The following HOMER2 variants were observed in gnomAD, a reference collection of about 807,000 sequenced individuals.
The protein encoded by HOMER2 is homer protein homolog 2.
A neutral mutation model predicts 47.0 loss-of-function variants in HOMER2; 27 were observed. That is an observed-to-expected ratio of 0.57 (90% CI 0.42 to 0.79). The LOEUF (loss-of-function observed/expected upper bound fraction) is 0.79, where lower values mean the gene tolerates loss of function less well. HOMER2 is among the 30% of genes least tolerant of loss of function. HOMER2 has a pLI of 0.00. For missense variants in HOMER2, 443 were observed against 435.0 expected, an observed-to-expected ratio of 1.02 and a Z score of -0.16; for synonymous variants, 161 against 163.8, an observed-to-expected ratio of 0.98 and a Z score of 0.13.
chr15:82,906,048 G>C (rs1049650650), intron 1 of HOMER2, among the ~76,000 whole-genome samples: 2 of 152,170 alleles, frequency 1.3e-5, no homozygotes, highest in African/African-American at 4.8e-5. Flanking sequence ...GAGGAGTTAG[G>C]ATTATTTTGT....
intron 1 of HOMER2, among the ~76,000 whole-genome samples, chr15:82,897,171 A>G (rs1044524388): frequency 1.4e-5 from 2 of 147,106 alleles, no homozygotes; most frequent in African/African-American, 2.5e-5. Flanking sequence ...GGTTTAAGCA[A>G]TTCTCTGCCT....
At chr15:82,966,251 T>A (rs1457496442) in intron 1 of HOMER2, among the ~76,000 whole-genome samples, 1 of 151,932 alleles carries the variant, frequency 6.6e-6, no homozygotes, top group Non-Finnish European at 1.5e-5. Flanking sequence ...GAGGTACAGG[T>A]GAGAGTAACA....
At chr15:82,908,285 T>C (rs1297615919) in intron 1 of HOMER2, among the ~76,000 whole-genome samples, 1 of 152,254 alleles carries the variant, frequency 6.6e-6, no homozygotes, top group Non-Finnish European at 1.5e-5. Context: ...TTGTATATTA[T>C]GTGAATTATA....
In HOMER2 at chr15:82,892,844, G is replaced by A. The variant is rs1218682369; in HGVS notation, c.6-3C>T. The A allele has an allele frequency of 1.9e-6, 3 of 1,557,820 alleles. No homozygotes were observed. The highest frequency in any genetic ancestry group is 2.3e-5 in the East Asian group (1 of 44,152). ...GGGTGGTGAAGATGGGCTGTTCTCT[G>A]CAATAAGAGAGTGGGCGTGTGAGTT... is the stretch of plus-strand genomic sequence containing the variant. On this transcript the variant is annotated splice_region_variant and splice_polypyrimidine_tract_variant and intron_variant, in intron 1 of 8. Transcript: ENST00000450735.
intron 1 of HOMER2, among the ~76,000 whole-genome samples, chr15:82,946,215 G>A (rs941093707): frequency 6.6e-6 from 1 of 152,208 alleles, no homozygotes; most frequent in East Asian, 1.9e-4. Flanking sequence ...CGCTTCAGCA[G>A]AATTACTTGG....
At chr15:82,844,506 TA>T (rs1173218669), downstream of HOMER2, 1 of 152,150 alleles carries the variant, frequency 6.6e-6, no homozygotes, top group East Asian at 1.9e-4. Flanking sequence ...GTATGTATAA[TA>T]TGATTATATT....
chr15:82,924,009 G>C (rs1014891603), intron 1 of HOMER2, among the ~76,000 whole-genome samples: 1 of 152,202 alleles, frequency 6.6e-6, no homozygotes, highest in Non-Finnish European at 1.5e-5. Context: ...AGGTGAGAGA[G>C]AGGCGTGCAG....
chr15:82,983,193 T>C (rs1295873474), intron 1 of HOMER2, among the ~76,000 whole-genome samples: 3 of 152,244 alleles, frequency 2.0e-5, no homozygotes, highest in African/African-American at 7.2e-5. Context: ...ATTTATTGAC[T>C]ACTGTACGGA....
intron 8 of HOMER2, among the ~76,000 whole-genome samples, chr15:82,850,444 A>G (rs1465810899): frequency 6.6e-6 from 1 of 152,178 alleles, no homozygotes; most frequent in Admixed American, 6.5e-5. Context: ...GTTACCATGG[A>G]GATGTTCTGT....
At chr15:82,945,978 TA>T (rs947562494) in intron 1 of HOMER2, among the ~76,000 whole-genome samples, 27 of 136,760 alleles carry the variant, frequency 2.0e-4, no homozygotes, top group Admixed American at 5.1e-4. Context: ...TCAAAAACAT[TA>T]AAAAAAAAAA....
intron 1 of HOMER2, among the ~76,000 whole-genome samples, chr15:82,979,127 G>C (rs371473636): frequency 3.3e-5 from 5 of 152,162 alleles, no homozygotes; most frequent in Non-Finnish European, 5.9e-5. Flanking sequence ...TGCCATAATT[G>C]TAAGTTTCCT....
At chr15:82,936,747 AT>A (rs547094287) in intron 1 of HOMER2, among the ~76,000 whole-genome samples, 4,401 of 142,534 alleles carry the variant, frequency 0.031, 69 homozygotes, top group African/African-American at 0.036. Flanking sequence ...TAATTTTTGT[AT>A]TTTTTTTTTT....
At chr15:82,854,875 C>A in intron 5 of HOMER2, 75 bp from the exon 6 acceptor site, 1 of 1,530,312 alleles carries the variant, frequency 6.5e-7, no homozygotes, top group Non-Finnish European at 8.9e-7. Flanking sequence ...GGGAAGGGGA[C>A]TCCGCCATCC....
intron 3 of HOMER2, among the ~76,000 whole-genome samples, chr15:82,869,550 C>T (rs1963227979): frequency 6.8e-6 from 1 of 147,338 alleles, no homozygotes; most frequent in Non-Finnish European, 1.5e-5. Flanking sequence ...CTCTGCCTCC[C>T]GCGTTCAAGT....
At chr15:82,869,796 G>T (rs1017829163) in intron 3 of HOMER2, among the ~76,000 whole-genome samples, 3 of 152,044 alleles carry the variant, frequency 2.0e-5, no homozygotes, top group Non-Finnish European at 4.4e-5. Flanking sequence ...TACCCTGAAG[G>T]ATACACTGCA....
upstream of HOMER2, among the ~76,000 whole-genome samples, chr15:82,957,089 C>T (rs1040458399): frequency 2.8e-4 from 42 of 152,226 alleles, no homozygotes; most frequent in African/African-American, 9.6e-4. Context: ...CCAGCCTGAC[C>T]AACATGGTGA....
intron 1 of HOMER2, among the ~76,000 whole-genome samples, chr15:82,935,802 G>GA (rs1812102645): frequency 6.6e-6 from 1 of 152,098 alleles, no homozygotes; most frequent in Non-Finnish European, 1.5e-5. Context: ...TGTCTCCTCT[G>GA]TGACCTTCTC....
chr15:82,852,552 C>T (rs570689749), intron 6 of HOMER2: 15 of 298,924 alleles, frequency 5.0e-5, no homozygotes, highest in South Asian at 3.5e-4. Context: ...CTCTCATGGC[C>T]GTGAAGAAGT....
chr15:82,847,389 T>C (rs1252899971), downstream of HOMER2: 1 of 152,246 alleles, frequency 6.6e-6, no homozygotes, highest in Non-Finnish European at 1.5e-5. Flanking sequence ...GAGTCCTTAC[T>C]ACTCTTAGCT....
Sources: allele counts gnomAD v4.1 joint callset (sites outside exome capture counted in the v4.1 genomes callset), GRCh38; gene constraint gnomAD v4.1.1; transcripts MANE v1.5; gene names NCBI Gene and HGNC (gene_info 2026-07-23, HGNC 2026-07-21).